Variants in DNAJC14 observed in about 807,000 individuals in gnomAD.
The protein encoded by DNAJC14 is DnaJ heat shock protein family (Hsp40) member C14, also known as dnaJ homolog subfamily C member 14.
A neutral mutation model predicts 68.8 loss-of-function variants in DNAJC14; 12 were observed. The observed-to-expected ratio is 0.17, with a 90% CI of 0.11 to 0.28. The LOEUF (loss-of-function observed/expected upper bound fraction) is 0.28, where lower values mean the gene tolerates loss of function less well. Ranked by LOEUF, DNAJC14 falls within the 10% of genes least tolerant of loss-of-function variation. DNAJC14 has a pLI of 1.00. For synonymous variants in DNAJC14, 350 were observed against 321.5 expected (o/e 1.09, Z -0.95); for missense variants, 764 against 875.6 (o/e 0.87, Z 1.61).
intron 2 of DNAJC14, among the ~76,000 whole-genome samples, chr12:55,826,237 G>A (rs1464803926): frequency 1.3e-5 from 2 of 151,876 alleles, no homozygotes; most frequent in African/African-American, 2.4e-5. Flanking sequence ...CAAAATGGAG[G>A]GAAGATCAGA....
At chr12:55,823,834 AGGT>A (rs1880730385) in intron 2 of DNAJC14, among the ~76,000 whole-genome samples, 1 of 149,294 alleles carries the variant, frequency 6.7e-6, no homozygotes, top group Admixed American at 6.8e-5. Context: ...CCTCTCTAGT[AGGT>A]GGGATTACAG....
intron 6 of DNAJC14, 22 bp downstream of exon 6, chr12:55,822,351 T>G (rs752620929): frequency 1.2e-6 from 2 of 1,608,022 alleles, no homozygotes; most frequent in South Asian, 2.2e-5. Flanking sequence ...GTGGATAGAT[T>G]ATTGACAGAA....
chr12:55,824,303 C>T lies in DNAJC14; in HGVS notation c.1408-795G>A, dbSNP rs926670681. 4.6e-5 allele frequency among the ~76,000 whole-genome samples: 7 copies of T among 152,162 alleles called. No individual in the cohort carries two copies. The East Asian group carries it at 7.7e-4, about 17-fold the overall frequency. Reference sequence around the variant, plus strand: ...AACTCTTTTTTAACTAGAAAATTCTCATATCCAAAACTTCCTACAGTGATA... The same window carrying T: ...AACTCTTTTTTAACTAGAAAATTCTTATATCCAAAACTTCCTACAGTGATA... On this transcript the variant is annotated intron_variant, in intron 2 of 6. Coordinates refer to ENST00000678005, the MANE Select transcript of DNAJC14 (RefSeq NM_032364.6).
rs899528697 is a variant in DNAJC14, at chr12:55,827,426, C to A, written c.1233G>T (p.Gln411His). 4 of 1,611,428 alleles carry A rather than the reference C, an allele frequency of 2.5e-6. No individual in the cohort carries two copies. The African/African-American group carries it at 5.3e-5, about 22-fold the overall frequency. Reference sequence around the variant, plus strand: ...GCCCACTAGCTACAGGTGCATTCCCCTGCCTATTAATATTCTGCTTGACCC... The same window carrying A: ...GCCCACTAGCTACAGGTGCATTCCCATGCCTATTAATATTCTGCTTGACCC... Reference protein sequence around the residue: ...LPWVKQNINRQGNAPVASGRY... With the variant: ...LPWVKQNINRHGNAPVASGRY... The change falls in exon 2 of 7, where the codon CAG (glutamine) becomes CAT (histidine). Residue 411 changes from glutamine (Q) to histidine (H), a missense_variant. Physicochemically the swap from Gln to His is conservative, Grantham distance 24. This residue lies in a region of DNAJC14 where 514 missense variants were observed against 521.7 expected (regional missense o/e 0.99). Transcript: ENST00000678005.
At chr12:55,824,287 T>C (rs1024728386) in intron 2 of DNAJC14, among the ~76,000 whole-genome samples, 4 of 152,154 alleles carry the variant, frequency 2.6e-5, no homozygotes, top group African/African-American at 9.7e-5. Flanking sequence ...AAACTCTTTT[T>C]TAACTAGAAA....
At position 55,822,035 on chromosome 12, in the gene DNAJC14, G is replaced by C; in HGVS notation, c.2051C>G (p.Pro684Arg). 3 of 1,614,020 alleles carry C rather than the reference G, an allele frequency of 1.9e-6. No individual in the cohort carries two copies. The highest frequency in any genetic ancestry group is 2.5e-6 in the Non-Finnish European group (3 of 1,179,972). Residue 684 changes from proline to arginine, a missense_variant, in exon 7 of 7, where the codon CCC (proline) becomes CGC (arginine). By Grantham distance (103) the Pro-to-Arg change is moderately radical. This residue lies in a region of DNAJC14 where 134 missense variants were observed against 162.3 expected (regional missense o/e 0.83). Transcript: ENST00000678005. Reference sequence around the variant, plus strand: ...CCGCTTAGGTTTGGCTTCTCCCTTGGGTACTGTGCTGTTGGGCTTAGAGGC... The same window carrying C: ...CCGCTTAGGTTTGGCTTCTCCCTTGCGTACTGTGCTGTTGGGCTTAGAGGC... ...AAASKPNSTV[P>R]KGEAKPKRRK... is the part of the protein sequence containing the mutation.
At position 55,827,560 on chromosome 12, in the gene DNAJC14, A is replaced by G. The variant is rs1476681193; in HGVS notation, c.1099T>C (p.Ser367Pro). 1 of 1,606,544 alleles carries G rather than the reference A, an allele frequency of 6.2e-7. No individual in the cohort carries two copies. Among genetic ancestry groups the G allele is most frequent in the Non-Finnish European group, 8.5e-7 (1 of 1,173,766 alleles). The change falls in exon 2 of 7, where the codon TCT becomes CCT. Residue 367 changes from serine to proline, a missense_variant. Around this residue, in one of 4 missense-constraint regions of DNAJC14, gnomAD observed 514 missense variants for 521.7 expected, o/e 0.99. Coordinates refer to ENST00000678005, the MANE Select transcript of DNAJC14 (RefSeq NM_032364.6). Reference sequence around the variant, plus strand: ...TGCAAGGCTGGAGAATCCAGCCAAGAGAAGAGCCAGGTAGCCTTATCCCTC... The same window carrying G: ...TGCAAGGCTGGAGAATCCAGCCAAGGGAAGAGCCAGGTAGCCTTATCCCTC... ...GWRDKATWLF[S>P]WLDSPALQRC...
chr12:55,824,234 T>A lies in DNAJC14; in HGVS notation c.1408-726A>T, dbSNP rs75809286. Among the ~76,000 whole-genome samples the A allele has an allele frequency of 8.7e-3, 1,325 of 152,234 alleles. 22 individuals carry two copies. Among genetic ancestry groups the A allele is most frequent in the African/African-American group, 0.03 (1,257 of 41,520 alleles). On this transcript the variant is annotated intron_variant, in intron 2 of 6. Coordinates refer to ENST00000678005, the MANE Select transcript of DNAJC14 (RefSeq NM_032364.6). Reference sequence around the variant, plus strand: ...GGACAGTTGGTCTCTGGCACACACATGTATCAGTCATAAAATAAGAGTTCC... The same window carrying A: ...GGACAGTTGGTCTCTGGCACACACAAGTATCAGTCATAAAATAAGAGTTCC...
rs997335973 is a variant in DNAJC14, at chr12:55,822,443, G to A, written c.1828C>T (p.Pro610Ser). 1 of 1,613,838 alleles carries A rather than the reference G, an allele frequency of 6.2e-7. No individual in the cohort carries two copies. The highest frequency in any genetic ancestry group is 1.7e-5 in the Admixed American group (1 of 60,012). ...TGATAGGGGACTCTGTGGGTATCTG[G>A]GGAGATACCTACACGCTGGCATCCA... ...WAGCQRVGIS[P>S]DTHRVPYHIS... The change falls in exon 6 of 7, where the codon CCA becomes TCA. Residue 610 changes from proline (P) to serine (S), a missense_variant. Physicochemically the swap from Pro to Ser is moderately conservative, Grantham distance 74. This residue lies in a region of DNAJC14 where 134 missense variants were observed against 162.3 expected (regional missense o/e 0.83). Transcript: ENST00000678005.
rs1315734381 is a variant in DNAJC14, at chr12:55,821,945, CCT to C, written c.*30_*31del. ...TCCTGTGCTACAGCCCTTTTGACTC[CCT>C]GACATTGATTTGAGGAAAGAGAAGG... On this transcript the variant is annotated 3_prime_UTR_variant, in exon 7 of 7. Coordinates refer to ENST00000678005, the MANE Select transcript of DNAJC14 (RefSeq NM_032364.6). The C allele has an allele frequency of 1.3e-6, 2 of 1,587,578 alleles. No individual in the cohort carries two copies. Among genetic ancestry groups the C allele is most frequent in the South Asian group, 1.1e-5 (1 of 87,274 alleles).
intron 2 of DNAJC14, among the ~76,000 whole-genome samples, chr12:55,826,497 T>A (rs1880798111): frequency 6.6e-6 from 1 of 151,886 alleles, no homozygotes; most frequent in Admixed American, 6.6e-5. Context: ...TCTTTATGAC[T>A]CTTTCCTAAG....
rs1880722794 is a variant in DNAJC14, at chr12:55,823,482, G to C, written c.1434C>G (p.Pro478=). 6.2e-7 allele frequency: 1 copy of C among 1,614,114 alleles called. No individual in the cohort carries two copies. The highest frequency in any genetic ancestry group is 8.5e-7 in the Non-Finnish European group (1 of 1,180,044). ...VMVHPDKNHH[P]RAEEAFKVLR... ...AAACCTTGAAGGCCTCCTCAGCCCG[G>C]GGATGATGATTTTTGTCAGGATGAA... The change falls in exon 3 of 7, where the codon CCC becomes CCG. Residue 478 remains proline (P), a synonymous_variant. Transcript: ENST00000678005.
upstream of DNAJC14, chr12:55,829,753 G>T (rs964052756): frequency 3.2e-6 from 1 of 315,542 alleles, no homozygotes; most frequent in Non-Finnish European, 4.6e-6. Flanking sequence ...GGAAGTACTG[G>T]CCCCGCCATT....
rs978119650 is a variant in DNAJC14 at position 55,822,132 on chromosome 12, G to C, written c.1954C>G (p.Gln652Glu). 20 of 1,607,912 alleles carry C rather than the reference G, an allele frequency of 1.2e-5. No individual in the cohort carries two copies. Among genetic ancestry groups the C allele is most frequent in the Non-Finnish European group, 1.7e-5 (20 of 1,177,700 alleles). The change falls in exon 7 of 7, where the codon CAA becomes GAA. Residue 652 changes from glutamine to glutamate, a missense_variant. This residue lies in a region of DNAJC14 where 134 missense variants were observed against 162.3 expected (regional missense o/e 0.83). Transcript: ENST00000678005. ...TTGGGCATCTGCCCTGGGGGTACTT[G>C]AAAGATCCGACTCAAGAAATCCTGA... ...DLQDFLSRIFQVPPGQMPNGN... is the reference protein window; with the variant it reads ...DLQDFLSRIFEVPPGQMPNGN...
Position 55,827,747 on chromosome 12 carries a change from G to A in DNAJC14, c.912C>T (p.Val304=). The change falls in exon 2 of 7, where the codon GTC becomes GTT. Residue 304 remains valine, a synonymous_variant. Transcript: ENST00000678005. ...ACCCCTGGCTTAGAAACTGAAACAT[G>A]ACCTGGGCCCAGCCCCCTAACCGCC... ...WTGRLGGWAQ[V]MFQFLSQGFY... is the part of the protein sequence containing the mutation. 6.2e-7 allele frequency: 1 copy of A among 1,614,056 alleles called. No individual in the cohort carries two copies. Among genetic ancestry groups the A allele is most frequent in the Non-Finnish European group, 8.5e-7 (1 of 1,179,982 alleles).
At chr12:55,825,940 C>T (rs1400977421) in intron 2 of DNAJC14, among the ~76,000 whole-genome samples, 1 of 152,142 alleles carries the variant, frequency 6.6e-6, no homozygotes, top group Non-Finnish European at 1.5e-5. Flanking sequence ...TTCTGAGTTG[C>T]TGATCTTGAA....
chr12:55,827,033 C>T (rs983918151), intron 2 of DNAJC14, among the ~76,000 whole-genome samples: 5 of 149,392 alleles, frequency 3.3e-5, no homozygotes, highest in South Asian at 4.3e-4. Flanking sequence ...ACTAAAAATA[C>T]AAAAAAAATT....
At position 55,827,706 on chromosome 12, in the gene DNAJC14, C is replaced by A. The variant is rs754006950; in HGVS notation, c.953G>T (p.Gly318Val). ...FLSQGFYCGV[G>V]LFTRFLKLLG... ...CAGCTTAAGAAAACGAGTAAACAGT[C>A]CTACTCCACAGTAAAACCCCTGGCT... Residue 318 changes from glycine (G) to valine (V), a missense_variant, in exon 2 of 7, where the codon GGA becomes GTA. This residue lies in a region of DNAJC14 where 514 missense variants were observed against 521.7 expected (regional missense o/e 0.99). Coordinates refer to ENST00000678005, the MANE Select transcript of DNAJC14 (RefSeq NM_032364.6). The A allele has an allele frequency of 5.6e-6, 9 of 1,614,152 alleles. No homozygotes were observed. The highest frequency in any genetic ancestry group is 6.8e-6 in the Non-Finnish European group (8 of 1,180,018).
Position 55,829,550 on chromosome 12 carries a change from A to G in DNAJC14, c.-118T>C. The G allele has an allele frequency of 1.0e-6, 1 of 984,728 alleles. No individual in the cohort carries two copies. Among genetic ancestry groups the G allele is most frequent in the Non-Finnish European group, 1.2e-6 (1 of 829,898 alleles). The allele number at this position is 984,728 out of a possible 1,614,324, so 61.0% of individuals were successfully genotyped here. A position where few individuals can be genotyped will look rare whatever the true frequency, so the allele number is the denominator to read the frequency against. On this transcript the variant is annotated 5_prime_UTR_variant, in exon 1 of 7. Transcript: ENST00000678005. Reference sequence around the variant, plus strand: ...CGGCCTGGGGCCAGGGTGAGCTACGAGAGCCGCTCTCCCGGCTCCGCCTCC... The same window carrying G: ...CGGCCTGGGGCCAGGGTGAGCTACGGGAGCCGCTCTCCCGGCTCCGCCTCC...
Sources: allele counts gnomAD v4.1 joint callset (sites outside exome capture counted in the v4.1 genomes callset), GRCh38; gene constraint gnomAD v4.1.1; regional missense constraint gnomAD v4.1.1; transcripts MANE v1.5; gene names NCBI Gene and HGNC (gene_info 2026-07-23, HGNC 2026-07-21).